The following LAMP1 variants were observed in gnomAD, a reference collection of about 807,000 sequenced individuals.
LAMP1 encodes lysosome-associated membrane glycoprotein 1.
A neutral mutation model predicts 37.5 loss-of-function variants in LAMP1; 7 were observed. That is an observed-to-expected ratio of 0.19 (90% CI 0.11 to 0.35). The LOEUF is 0.35. Ranked by LOEUF, LAMP1 falls within the 10% of genes least tolerant of loss-of-function variation. The pLI, the probability that LAMP1 is intolerant of heterozygous loss-of-function variation, is 1.00. For synonymous variants in LAMP1, 236 were observed against 229.1 expected (o/e 1.03, Z -0.27); for missense variants, 537 against 552.8 (o/e 0.97, Z 0.29).
At chr13:113,304,476 C>T (rs1164379928) in intron 1 of LAMP1, among the ~76,000 whole-genome samples, 2 of 152,152 alleles carry the variant, frequency 1.3e-5, no homozygotes, top group Admixed American at 1.3e-4. Flanking sequence ...GAAACCTTTA[C>T]TATGTCAAAA....
At position 113,297,360 on chromosome 13, in the gene LAMP1, G is replaced by A; in HGVS notation, c.-75G>A. 3.5e-6 allele frequency: 1 copy of A among 282,994 alleles called. No homozygotes were observed. Among genetic ancestry groups the A allele is most frequent in the Non-Finnish European group, 5.8e-6 (1 of 171,082 alleles). 17.5% of individuals were successfully genotyped at this position (282,994 alleles called of 1,614,324 possible). ...CCCTTGGCGCCCGCGCCCCGCCACCGCAGCGCCCGGCAGTCCGCGGCCCAA... is the reference window on the plus strand; with the variant it reads ...CCCTTGGCGCCCGCGCCCCGCCACCACAGCGCCCGGCAGTCCGCGGCCCAA... On this transcript the variant is annotated 5_prime_UTR_variant, in exon 1 of 9. Transcript: ENST00000332556. The surrounding 1 kb of genome is among the most constrained non-coding windows in gnomAD (Gnocchi z 4.4).
In LAMP1 at chr13:113,321,518, G is replaced by C; in HGVS notation, c.944-39G>C. On this transcript the variant is annotated intron_variant, in intron 7 of 8. Transcript: ENST00000332556. The surrounding 1 kb of genome is among the most constrained non-coding windows in gnomAD (Gnocchi z 5.6). ...AGCCCCGCCCCCGCCCGCGCGCCCA[G>C]GGTATTCTGGAGCCACTAGACCTCT... The C allele has an allele frequency of 6.2e-7, 1 of 1,612,150 alleles. No individual in the cohort carries two copies. The highest frequency in any genetic ancestry group is 1.1e-5 in the South Asian group (1 of 91,028).
intron 4 of LAMP1, among the ~76,000 whole-genome samples, chr13:113,315,638 A>G (rs1308073480): frequency 6.6e-6 from 1 of 150,888 alleles, no homozygotes; most frequent in Non-Finnish European, 1.5e-5. Flanking sequence ...AAGTGCTGGG[A>G]TTATAGGTGT....
intron 8 of LAMP1, 165 bp from the exon 9 acceptor site, chr13:113,322,117 A>G (rs2042704552): frequency 2.7e-6 from 2 of 732,466 alleles, no homozygotes; most frequent in Admixed American, 5.3e-5. Context: ...AGAGAGCACC[A>G]GTCTCTGCAG....
intron 1 of LAMP1, among the ~76,000 whole-genome samples, chr13:113,302,255 G>T (rs895075634): frequency 4.6e-5 from 7 of 151,732 alleles, no homozygotes; most frequent in Non-Finnish European, 1.0e-4. Flanking sequence ...CACGATCTCA[G>T]CTCACTGCAA....
intron 1 of LAMP1, among the ~76,000 whole-genome samples, chr13:113,301,102 G>T (rs1278752652): frequency 1.3e-5 from 2 of 152,192 alleles, no homozygotes; most frequent in Non-Finnish European, 2.9e-5. Flanking sequence ...CTGACAGGTA[G>T]TAAGTGCTGA....
chr13:113,310,129 T>G (rs1215523111), intron 3 of LAMP1, among the ~76,000 whole-genome samples: 1 of 152,046 alleles, frequency 6.6e-6, no homozygotes. Context: ...CTCGGGAGGC[T>G]GAGGCAGGAG....
rs1031049072 is a variant in LAMP1, at chr13:113,321,989, A to G, written c.1114+262A>G. ...AAACAGTGGTGGCGCTTCTCCCATGAACGTTGAATACAACACTGTCATCTG... is the reference window on the plus strand; with the variant it reads ...AAACAGTGGTGGCGCTTCTCCCATGGACGTTGAATACAACACTGTCATCTG... On this transcript the variant is annotated intron_variant, in intron 8 of 8. Transcript: ENST00000332556. This position sits in a 1 kb window ranked among gnomAD's most constrained non-coding sequence, Gnocchi z 5.6. 6.8e-6 allele frequency: 4 copies of G among 587,854 alleles called. No individual in the cohort carries two copies. Among genetic ancestry groups the G allele is most frequent in the Admixed American group, 3.1e-5 (1 of 32,148 alleles). The allele number at this position is 587,854 out of a possible 1,614,324, so 36.4% of individuals were successfully genotyped here. A position where few individuals can be genotyped will look rare whatever the true frequency, so the allele number is the denominator to read the frequency against.
Position 113,320,488 on chromosome 13 carries a change from C to T in LAMP1, c.876+18C>T. The T allele has an allele frequency of 6.2e-7, 1 of 1,602,374 alleles. No homozygotes were observed. Among genetic ancestry groups the T allele is most frequent in the Non-Finnish European group, 8.5e-7 (1 of 1,178,512 alleles). On this transcript the variant is annotated intron_variant, in intron 6 of 8. Coordinates refer to ENST00000332556, the MANE Select transcript of LAMP1 (RefSeq NM_005561.4). This position sits in a 1 kb window ranked among gnomAD's most constrained non-coding sequence, Gnocchi z 4.4. ...TCGGGATGGTGAGGCTGGGGCGGCACCTCTCTGGGGGCGCCCACTGTGTCT... is the reference window on the plus strand; with the variant it reads ...TCGGGATGGTGAGGCTGGGGCGGCATCTCTCTGGGGGCGCCCACTGTGTCT...
chr13:113,301,637 AAAAAAAAATATATATATATATAT>A (rs1324673924), intron 1 of LAMP1, among the ~76,000 whole-genome samples: 89 of 26,144 alleles, frequency 3.4e-3, no homozygotes, highest in Middle Eastern at 0.019. Context: ...TAAAAAAAAA[AAAAAAAAATATATATATATATAT>A]ATATATATAT....
At chr13:113,310,554 C>G (rs756535090) in intron 3 of LAMP1, among the ~76,000 whole-genome samples, 155 bp from the exon 4 acceptor site, 5 of 151,600 alleles carry the variant, frequency 3.3e-5, no homozygotes, top group Non-Finnish European at 5.9e-5. Context: ...ATAAAGTAAA[C>G]TAAGTACTAT....
chr13:113,319,334 T>A (rs922639522), intron 4 of LAMP1, 135 bp from the exon 5 acceptor site: 1 of 792,426 alleles, frequency 1.3e-6, no homozygotes, highest in Non-Finnish European at 2.0e-6. Context: ...GAGAGCCACC[T>A]TGGGAGACTG....
At chr13:113,310,633 AG>A (rs1481039721) in intron 3 of LAMP1, 75 bp from the exon 4 acceptor site, 2 of 1,162,318 alleles carry the variant, frequency 1.7e-6, no homozygotes, top group Non-Finnish European at 2.4e-6. Flanking sequence ...AACTGACATC[AG>A]GGCTAAAATA....
At chr13:113,302,917 A>G (rs1429825724) in intron 1 of LAMP1, among the ~76,000 whole-genome samples, 1 of 152,264 alleles carries the variant, frequency 6.6e-6, no homozygotes. Flanking sequence ...AAGAGTTGTC[A>G]TGATAACTGG....
intron 1 of LAMP1, 55 bp from the exon 2 acceptor site, chr13:113,306,430 C>A: frequency 1.9e-6 from 3 of 1,570,378 alleles, no homozygotes; most frequent in South Asian, 1.1e-5. Flanking sequence ...TGGAAATACT[C>A]GGTCGTATTT....
Position 113,322,350 on chromosome 13 carries a change from C to T in LAMP1, c.1183C>T (p.Leu395=), listed in dbSNP as rs1191067810. 5.6e-6 allele frequency: 9 copies of T among 1,606,536 alleles called. No homozygotes were observed. In the Admixed American group the frequency reaches 8.5e-5, roughly 15 times the overall value. The change falls in exon 9 of 9, where the codon CTG becomes TTG. Residue 395 remains leucine, a synonymous_variant. Transcript: ENST00000332556. Reference sequence around the variant, plus strand: ...CGCTGTGGGTGGTGCCCTGGCGGGGCTGGTCCTCATCGTCCTCATCGCCTA... The same window carrying T: ...CGCTGTGGGTGGTGCCCTGGCGGGGTTGGTCCTCATCGTCCTCATCGCCTA... ...PIAVGGALAG[L]VLIVLIAYLV...
At position 113,321,376 on chromosome 13, in the gene LAMP1, G is replaced by A. The variant is rs770331928; in HGVS notation, c.877-28G>A. The stretch of plus-strand genomic sequence containing the variant: ...GATCATCTTTCTATGAATCTGCTCC[G>A]TGATTAAAGATCATTTTTCTTTTTA... On this transcript the variant is annotated intron_variant, in intron 6 of 8. Transcript: ENST00000332556. The surrounding 1 kb of genome is among the most constrained non-coding windows in gnomAD (Gnocchi z 5.6). The A allele has an allele frequency of 2.0e-5, 32 of 1,569,876 alleles. No homozygotes were observed. The highest frequency in any genetic ancestry group is 2.5e-5 in the Non-Finnish European group (28 of 1,139,942).
chr13:113,312,602 G>A (rs1009716233), intron 4 of LAMP1, among the ~76,000 whole-genome samples: 5 of 152,242 alleles, frequency 3.3e-5, no homozygotes, highest in Non-Finnish European at 7.3e-5. Context: ...AACACACTTA[G>A]GAGCTGGGTC....
chr13:113,319,277 C>T (rs1323910331), intron 4 of LAMP1, among the ~76,000 whole-genome samples, 192 bp from the exon 5 acceptor site: 8 of 152,344 alleles, frequency 5.3e-5, no homozygotes, highest in African/African-American at 1.4e-4. Context: ...CGCCCTGAGC[C>T]GTCTGCAGGA....
Sources: gnomAD v4.1 joint callset for allele counts (sites outside exome capture counted in the v4.1 genomes callset) on GRCh38, gnomAD v4.1.1 for gene constraint, Gnocchi (gnomAD v3.1) non-coding constraint, MANE v1.5 for transcripts, NCBI Gene and HGNC (gene_info 2026-07-23, HGNC 2026-07-21) for gene names.